RD3: variants seen among roughly 807,000 people sequenced by gnomAD.
RD3 encodes RD3 regulator of GUCY2D.
A neutral mutation model predicts 16.9 loss-of-function variants in RD3; 11 were observed. The ratio of observed to expected loss-of-function variants is 0.65; its 90% CI spans 0.41 to 1.08. The LOEUF (loss-of-function observed/expected upper bound fraction) is 1.08, where lower values mean the gene tolerates loss of function less well. Ranked by LOEUF, RD3 falls within the 50% of genes least tolerant of loss-of-function variation. The pLI, the probability that RD3 is intolerant of heterozygous loss-of-function variation, is 0.00. For missense variants in RD3, 274 were observed against 267.4 expected (o/e 1.02, Z -0.17); for synonymous variants, 116 against 114.8 (o/e 1.01, Z -0.07).
chr1:211,489,150 T>C (rs1001952340), intron 1 of RD3, among the ~76,000 whole-genome samples: 2 of 152,220 alleles, frequency 1.3e-5, no homozygotes, highest in African/African-American at 4.8e-5. Flanking sequence ...AATGAGATTA[T>C]GTCTTTGTAA....
chr1:211,479,361 C>T (rs751462746), intron 2 of RD3, 34 bp from the exon 3 acceptor site: 20 of 1,578,520 alleles, frequency 1.3e-5, no homozygotes, highest in Middle Eastern at 1.7e-4. Context: ...GGGACATTCA[C>T]CCACAACAGC....
chr1:211,487,621 A>C (rs1705400221), intron 1 of RD3, among the ~76,000 whole-genome samples: 1 of 152,228 alleles, frequency 6.6e-6, no homozygotes, highest in South Asian at 2.1e-4. Flanking sequence ...TTGTGCAGGA[A>C]GCCTTCCTGA....
chr1:211,478,888 C>A lies in RD3; in HGVS notation c.*148G>T. The A allele has an allele frequency of 6.8e-5, 38 of 559,418 alleles. No individual in the cohort carries two copies. Among genetic ancestry groups the A allele is most frequent in the East Asian group, 1.1e-4 (3 of 28,050 alleles). 34.7% of individuals were successfully genotyped at this position (559,418 alleles called of 1,614,324 possible). On this transcript the variant is annotated 3_prime_UTR_variant, in exon 3 of 3. Transcript: ENST00000680073. ...AAGAGGATGGGGCAGGGAGTCGCTTCATTTTATAGCAGCGTCTTGGGATGG... is the reference window on the plus strand; with the variant it reads ...AAGAGGATGGGGCAGGGAGTCGCTTAATTTTATAGCAGCGTCTTGGGATGG...
At chr1:211,485,699 A>G (rs1476235264) in intron 1 of RD3, among the ~76,000 whole-genome samples, 3 of 151,836 alleles carry the variant, frequency 2.0e-5, no homozygotes, top group Non-Finnish European at 4.4e-5. Context: ...GGCAGAGCCA[A>G]CTCCTCAGTG....
chr1:211,488,618 A>G (rs1296792650), intron 1 of RD3, among the ~76,000 whole-genome samples: 1 of 152,126 alleles, frequency 6.6e-6, no homozygotes, highest in Admixed American at 6.5e-5. Flanking sequence ...TGATGACACA[A>G]AACAAGAAGA....
chr1:211,491,385 C>T (rs1298635592), intron 1 of RD3, among the ~76,000 whole-genome samples: 1 of 152,226 alleles, frequency 6.6e-6, no homozygotes, highest in African/African-American at 2.4e-5. Flanking sequence ...TTGGGTTTCG[C>T]TTTCCTTCCC....
intron 1 of RD3, among the ~76,000 whole-genome samples, chr1:211,483,346 C>CA (rs1474422717): frequency 7.4e-5 from 11 of 149,608 alleles, no homozygotes; most frequent in African/African-American, 2.8e-4. Context: ...CCTGTAGTCC[C>CA]AGCTACTCAG....
At chr1:211,479,409 C>T (rs1043706298) in intron 2 of RD3, 82 bp from the exon 3 acceptor site, 2 of 1,323,036 alleles carry the variant, frequency 1.5e-6, no homozygotes, top group African/African-American at 1.4e-5. Context: ...CGAGGGGCTG[C>T]CCGTGCATCC....
chr1:211,483,056 A>G (rs146908323), intron 1 of RD3, among the ~76,000 whole-genome samples: 2 of 151,964 alleles, frequency 1.3e-5, no homozygotes, highest in Non-Finnish European at 2.9e-5. Flanking sequence ...TCAGACACAA[A>G]GGAGAATATT....
At chr1:211,486,856 GA>G (rs1314564710) in intron 1 of RD3, among the ~76,000 whole-genome samples, 1 of 151,950 alleles carries the variant, frequency 6.6e-6, no homozygotes, top group African/African-American at 2.4e-5. Flanking sequence ...AAAAAGAAAA[GA>G]AAAAAAGAAA....
intron 1 of RD3, among the ~76,000 whole-genome samples, chr1:211,491,324 C>T (rs1705485451): frequency 6.6e-6 from 1 of 152,226 alleles, no homozygotes; most frequent in Admixed American, 6.5e-5. Flanking sequence ...GTGCCTTGGA[C>T]TTAGTAGATG....
In RD3 at chr1:211,477,949, T is replaced by G. The variant is rs1705178150; in HGVS notation, c.*1087A>C. 5.1e-6 allele frequency: 2 copies of G among 394,114 alleles called. No homozygotes were observed. The highest frequency in any genetic ancestry group is 4.4e-5 in the Admixed American group (1 of 22,576). The allele number at this position is 394,114 out of a possible 1,614,324, so 24.4% of individuals were successfully genotyped here. A position where few individuals can be genotyped will look rare whatever the true frequency, so the allele number is the denominator to read the frequency against. On this transcript the variant is annotated 3_prime_UTR_variant, in exon 3 of 3. Coordinates refer to ENST00000680073, the MANE Select transcript of RD3 (RefSeq NM_001164688.2). Reference sequence around the variant, plus strand: ...CATTGGGTAATCCACATGCCCATCATCAAGGCCTAACCATGTTAGAAAAGG... The same window carrying G: ...CATTGGGTAATCCACATGCCCATCAGCAAGGCCTAACCATGTTAGAAAAGG...
At chr1:211,480,141 C>A (rs914189846) in intron 2 of RD3, among the ~76,000 whole-genome samples, 11 of 152,024 alleles carry the variant, frequency 7.2e-5, no homozygotes, top group African/African-American at 1.4e-4. Flanking sequence ...CCATGACCCA[C>A]CCCCGTCCCC....
intron 1 of RD3, among the ~76,000 whole-genome samples, chr1:211,486,154 A>G (rs1453331358): frequency 6.8e-6 from 1 of 148,048 alleles, no homozygotes; most frequent in South Asian, 2.1e-4. Flanking sequence ...CCATCTCAAA[A>G]AAAAAAAAAA....
chr1:211,482,095 G>A (rs1417374501), intron 1 of RD3, among the ~76,000 whole-genome samples: 2 of 149,832 alleles, frequency 1.3e-5, no homozygotes, highest in African/African-American at 2.5e-5. Context: ...GGTGGTGCAT[G>A]CCTGTAATCC....
chr1:211,490,999 G>C (rs1403525347), intron 1 of RD3, among the ~76,000 whole-genome samples: 1 of 152,256 alleles, frequency 6.6e-6, no homozygotes, highest in African/African-American at 2.4e-5. Context: ...GGTAGCACTT[G>C]ATAAGCGGTT....
rs771444370 is a variant in RD3 at position 211,491,762 on chromosome 1, T to G, written c.-12+6A>C. 1 of 152,200 alleles carries G rather than the reference T, an allele frequency of 6.6e-6. No homozygotes were observed. Among genetic ancestry groups the G allele is most frequent in the Non-Finnish European group, 1.5e-5 (1 of 68,084 alleles). The allele number at this position is 152,200 out of a possible 1,614,324, so 9.4% of individuals were successfully genotyped here. Reference sequence around the variant, plus strand: ...ACACTGTCTCCTGGGGAGACCTCCATCTTACCTCTGAGGTCAGCCTCTGCT... The same window carrying G: ...ACACTGTCTCCTGGGGAGACCTCCAGCTTACCTCTGAGGTCAGCCTCTGCT... On this transcript the variant is annotated splice_donor_region_variant and intron_variant, in intron 1 of 2. Coordinates refer to ENST00000680073, the MANE Select transcript of RD3 (RefSeq NM_001164688.2).
intron 1 of RD3, among the ~76,000 whole-genome samples, chr1:211,486,969 A>G (rs1285188595): frequency 6.6e-6 from 1 of 152,208 alleles, no homozygotes. Context: ...AAAACATTAC[A>G]TAAATATGTA....
intron 1 of RD3, among the ~76,000 whole-genome samples, chr1:211,482,145 C>T (rs143959453): frequency 2.9e-4 from 43 of 150,326 alleles, no homozygotes; most frequent in Middle Eastern, 6.8e-3. Context: ...TTGCCTGAAC[C>T]CGGGAGGTGG....
Sources: allele counts gnomAD v4.1 joint callset (sites outside exome capture counted in the v4.1 genomes callset), GRCh38; gene constraint gnomAD v4.1.1; transcripts MANE v1.5; gene names NCBI Gene and HGNC (gene_info 2026-07-23, HGNC 2026-07-21).